ADCY2: variants seen among roughly 807,000 people sequenced by gnomAD.
ADCY2 encodes the protein adenylate cyclase 2, also known as adenylate cyclase type 2.
ADCY2 carries 31 observed loss-of-function variants against 125.2 expected under a neutral mutation model. The observed-to-expected ratio is 0.25, with a 90% confidence interval of 0.19 to 0.33. The LOEUF (loss-of-function observed/expected upper bound fraction) is 0.33, where lower values mean the gene tolerates loss of function less well. ADCY2 is among the 10% of genes least tolerant of loss of function. The probability of loss-of-function intolerance (pLI) is 1.00; values close to 1 mark genes in which losing one functional copy is unlikely to be tolerated. For synonymous variants in ADCY2, 512 were observed against 548.4 expected (o/e 0.93, Z 0.93); for missense variants, 904 against 1,418.2 (o/e 0.64, Z 5.82).
Position 7,767,831 on chromosome 5 carries a change from C to A in ADCY2, c.2214+1025C>A, listed in dbSNP as rs576583711. ...AGATCACGAGGTCAGGAGATCAAGA[C>A]CATCCTGCCTAACACGGTGAAACCC... On this transcript the variant is annotated intron_variant, in intron 17 of 24. Transcript: ENST00000338316. 1.7e-3 allele frequency among the ~76,000 whole-genome samples: 265 copies of A among 152,122 alleles called. 2 individuals carry two copies. Among genetic ancestry groups the A allele is most frequent in the African/African-American group, 6.2e-3 (259 of 41,478 alleles).
intron 3 of ADCY2, among the ~76,000 whole-genome samples, chr5:7,536,488 T>A (rs548125122): frequency 6.6e-6 from 1 of 152,206 alleles, no homozygotes; most frequent in Non-Finnish European, 1.5e-5. Context: ...GTGGGGTCAG[T>A]TGATTCTCAC....
chr5:7,638,772 C>T (rs1738592379), intron 4 of ADCY2, among the ~76,000 whole-genome samples: 2 of 152,158 alleles, frequency 1.3e-5, no homozygotes, highest in South Asian at 2.1e-4. Context: ...TTCTGCCATC[C>T]TGAAACTAGA....
intron 4 of ADCY2, among the ~76,000 whole-genome samples, chr5:7,632,518 A>T (rs975801036): frequency 1.3e-5 from 2 of 152,084 alleles, no homozygotes; most frequent in African/African-American, 4.8e-5. Context: ...TATTGCTTTT[A>T]TCTCAACTCT....
At position 7,445,611 on chromosome 5, in the gene ADCY2, C is replaced by T. The variant is rs1741217743; in HGVS notation, c.408+30841C>T. ...TTTGTGATCTCATCCAAAAACATTA[C>T]ATTTTCCATTTATGCATGTCTACAT... is the stretch of plus-strand genomic sequence containing the variant. On this transcript the variant is annotated intron_variant, in intron 2 of 24. Transcript: ENST00000338316. Among the ~76,000 whole-genome samples, 3 of 152,284 alleles carry T rather than the reference C, an allele frequency of 2.0e-5. No individual in the cohort carries two copies. The South Asian group carries it at 6.2e-4, about 32-fold the overall frequency.
intron 3 of ADCY2, among the ~76,000 whole-genome samples, chr5:7,547,175 A>G (rs530695354): frequency 6.6e-6 from 1 of 152,306 alleles, no homozygotes; most frequent in African/African-American, 2.4e-5. Context: ...TAAAAGCAGG[A>G]CCCACAGCAG....
chr5:7,664,725 T>A (rs1464939172), intron 4 of ADCY2, among the ~76,000 whole-genome samples: 1 of 152,232 alleles, frequency 6.6e-6, no homozygotes, highest in Non-Finnish European at 1.5e-5. Flanking sequence ...TCCCCATTTT[T>A]TCCTTCTTCC....
chr5:7,613,157 TAATAAA>T (rs982054912), intron 3 of ADCY2, among the ~76,000 whole-genome samples: 39 of 135,704 alleles, frequency 2.9e-4, no homozygotes, highest in African/African-American at 1.0e-3. Context: ...TAAAGTATAA[TAATAAA>T]AAAAAAAAGA....
At chr5:7,679,933 G>T (rs1201348623) in intron 4 of ADCY2, among the ~76,000 whole-genome samples, 1 of 152,136 alleles carries the variant, frequency 6.6e-6, no homozygotes, top group African/African-American at 2.4e-5. Context: ...TATAGCCAAT[G>T]GCATGTGAGA....
At position 7,709,978 on chromosome 5, in the gene ADCY2, A is replaced by T. The variant is rs1741389522; in HGVS notation, c.1578+591A>T. On this transcript the variant is annotated intron_variant, in intron 10 of 24. Coordinates refer to ENST00000338316, the MANE Select transcript of ADCY2 (RefSeq NM_020546.3). The surrounding 1 kb of genome is among the most constrained non-coding windows in gnomAD (Gnocchi z 4.4). ...GAAAAGTAAATACAACCAAGCACTT[A>T]GGATAATCCCCATAGTATTTTTAGA... 6.6e-6 allele frequency among the ~76,000 whole-genome samples: 1 copy of T among 152,272 alleles called. No individual in the cohort carries two copies. The highest frequency in any genetic ancestry group is 1.5e-5 in the Non-Finnish European group (1 of 68,048).
chr5:7,531,333 G>C (rs556048121), intron 3 of ADCY2, among the ~76,000 whole-genome samples: 83 of 152,172 alleles, frequency 5.5e-4, no homozygotes, highest in African/African-American at 1.9e-3. Flanking sequence ...ATATGGATCC[G>C]ACCATGCTAC....
At chr5:7,737,390 C>T (rs938288365) in intron 14 of ADCY2, among the ~76,000 whole-genome samples, 12 of 152,034 alleles carry the variant, frequency 7.9e-5, no homozygotes, top group African/African-American at 2.4e-4. Context: ...TAGAGCTAGA[C>T]GAAGGTAAGG....
chr5:7,656,086 C>T (rs1326680871), intron 4 of ADCY2, among the ~76,000 whole-genome samples: 1 of 142,336 alleles, frequency 7.0e-6, no homozygotes, highest in Non-Finnish European at 1.5e-5. Flanking sequence ...AGGAGTTTCA[C>T]TCTTGTTGCC....
intron 3 of ADCY2, among the ~76,000 whole-genome samples, chr5:7,589,516 AAAAG>A (rs1736774795): frequency 9.7e-6 from 1 of 103,244 alleles, no homozygotes; most frequent in East Asian, 2.9e-4. Context: ...GAAAGAAAAG[AAAAG>A]AAAGAGAAAG....
At chr5:7,451,041 CA>C (rs1741451602) in intron 2 of ADCY2, among the ~76,000 whole-genome samples, 1 of 152,202 alleles carries the variant, frequency 6.6e-6, no homozygotes, top group Admixed American at 6.5e-5. Context: ...AGCTCTGATG[CA>C]GATGTACAAG....
At chr5:7,628,409 T>C (rs1738202704) in intron 4 of ADCY2, among the ~76,000 whole-genome samples, 1 of 152,158 alleles carries the variant, frequency 6.6e-6, no homozygotes, top group Non-Finnish European at 1.5e-5. Context: ...CATATTTCTC[T>C]GAAGAGAACT....
Position 7,635,950 on chromosome 5 carries a change from C to G in ADCY2, c.720+9634C>G, listed in dbSNP as rs569193764. Reference sequence around the variant, plus strand: ...TTTTCCCATGTGCCTTTCATGGGATCCTTCTTTGACCTCACAGACAGCCTG... The same window carrying G: ...TTTTCCCATGTGCCTTTCATGGGATGCTTCTTTGACCTCACAGACAGCCTG... On this transcript the variant is annotated intron_variant, in intron 4 of 24. Coordinates refer to ENST00000338316, the MANE Select transcript of ADCY2 (RefSeq NM_020546.3). Among the ~76,000 whole-genome samples, 4 of 152,300 alleles carry G rather than the reference C, an allele frequency of 2.6e-5. No individual in the cohort carries two copies. In the South Asian group the frequency reaches 8.3e-4, roughly 32 times the overall value.
At chr5:7,551,990 C>A (rs1027692935) in intron 3 of ADCY2, among the ~76,000 whole-genome samples, 7 of 152,062 alleles carry the variant, frequency 4.6e-5, no homozygotes, top group African/African-American at 1.7e-4. Flanking sequence ...ATTACCTGAA[C>A]AATATGTCAG....
At chr5:7,825,006 A>G (rs952400090) in intron 24 of ADCY2, among the ~76,000 whole-genome samples, 2 of 152,228 alleles carry the variant, frequency 1.3e-5, no homozygotes, top group Admixed American at 6.5e-5. Flanking sequence ...AAATTGTGCC[A>G]TAACACCCCT....
chr5:7,578,419 TCTCA>T (rs1349786274), intron 3 of ADCY2, among the ~76,000 whole-genome samples: 1 of 152,226 alleles, frequency 6.6e-6, no homozygotes, highest in Non-Finnish European at 1.5e-5. Flanking sequence ...AGCTCTTTAT[TCTCA>T]CTGTTTCCAC....
Sources: gnomAD v4.1 joint callset for allele counts (sites outside exome capture counted in the v4.1 genomes callset) on GRCh38, gnomAD v4.1.1 for gene constraint, Gnocchi (gnomAD v3.1) non-coding constraint, MANE v1.5 for transcripts, NCBI Gene and HGNC (gene_info 2026-07-23, HGNC 2026-07-21) for gene names.